Variants in TMEM232 observed in about 807,000 individuals in gnomAD.
TMEM232 encodes transmembrane protein 232.
TMEM232 carries 80 observed loss-of-function variants against 78.8 expected under a neutral mutation model. The ratio of observed to expected loss-of-function variants is 1.01; its 90% CI spans 0.85 to 1.22. The LOEUF is 1.22. TMEM232 is among the 50% of genes most tolerant of loss of function. The probability of loss-of-function intolerance (pLI) is 0.00; values close to 1 mark genes in which losing one functional copy is unlikely to be tolerated. For missense variants in TMEM232, 881 were observed against 742.2 expected, an observed-to-expected ratio of 1.19 and a Z score of -2.17; for synonymous variants, 297 against 254.3, an observed-to-expected ratio of 1.17 and a Z score of -1.60.
chr5:110,574,423 C>T (rs542752585), intron 10 of TMEM232, among the ~76,000 whole-genome samples: 1 of 152,134 alleles, frequency 6.6e-6, no homozygotes, highest in Admixed American at 6.5e-5. Flanking sequence ...TTGTCCTTGG[C>T]TCTGGGCAGT....
At chr5:110,700,896 C>A (rs1272145417) in intron 1 of TMEM232, among the ~76,000 whole-genome samples, 1 of 151,832 alleles carries the variant, frequency 6.6e-6, no homozygotes, top group Non-Finnish European at 1.5e-5. Flanking sequence ...CCCCACCTTT[C>A]CTAAAGAGCC....
At position 110,735,977 on chromosome 5, in the gene TMEM232, G is replaced by A. The variant is rs529209249; in HGVS notation, c.-125-962C>T. ...GAAACCTAAGGCAGAACTATCCAGCGAAGCCACTCTGAAATTTTTAAATTA... is the reference window on the plus strand; with the variant it reads ...GAAACCTAAGGCAGAACTATCCAGCAAAGCCACTCTGAAATTTTTAAATTA... On this transcript the variant is annotated intron_variant, in intron 1 of 4. Transcript: ENST00000512886. 1.3e-4 allele frequency among the ~76,000 whole-genome samples: 20 copies of A among 152,222 alleles called. No homozygotes were observed. The South Asian group carries it at 2.7e-3, about 21-fold the overall frequency.
At chr5:110,456,155 C>A (rs1760868732) in intron 12 of TMEM232, among the ~76,000 whole-genome samples, 1 of 152,076 alleles carries the variant, frequency 6.6e-6, no homozygotes, top group African/African-American at 2.4e-5. Flanking sequence ...GAAGAATCTA[C>A]AGAAGAATAA....
At chr5:110,536,059 T>A (rs1040563867) in intron 11 of TMEM232, among the ~76,000 whole-genome samples, 3 of 152,230 alleles carry the variant, frequency 2.0e-5, no homozygotes, top group African/African-American at 7.2e-5. Context: ...TTGGGATTTA[T>A]TATTCTCCTT....
intron 1 of TMEM232, among the ~76,000 whole-genome samples, chr5:110,737,609 T>C (rs1462963706): frequency 6.6e-6 from 1 of 152,218 alleles, no homozygotes; most frequent in Non-Finnish European, 1.5e-5. Context: ...TTTCAATTAG[T>C]AAAGGACTTT....
At chr5:110,494,115 A>G (rs1765402960) in intron 12 of TMEM232, among the ~76,000 whole-genome samples, 1 of 152,058 alleles carries the variant, frequency 6.6e-6, no homozygotes, top group Admixed American at 6.6e-5. Flanking sequence ...TTATGGCTGC[A>G]TAGTATTCCA....
chr5:110,517,848 G>A (rs553447125), intron 12 of TMEM232, among the ~76,000 whole-genome samples: 50 of 152,284 alleles, frequency 3.3e-4, no homozygotes, highest in African/African-American at 1.1e-3. Flanking sequence ...TGCAGGCTCT[G>A]AAAGAGAAGT....
At chr5:110,705,530 A>C (rs537350035) in intron 1 of TMEM232, among the ~76,000 whole-genome samples, 3 of 152,010 alleles carry the variant, frequency 2.0e-5, no homozygotes, top group African/African-American at 7.2e-5. Flanking sequence ...ATGTGTCCAA[A>C]CTCAACAAGG....
intron 11 of TMEM232, among the ~76,000 whole-genome samples, chr5:110,541,154 A>G (rs529879848): frequency 1.2e-4 from 18 of 152,258 alleles, no homozygotes; most frequent in African/African-American, 3.8e-4. Context: ...CTCTTTCCAT[A>G]TAGGGAGAGA....
At chr5:110,653,735 C>T (rs1268818817) in intron 2 of TMEM232, among the ~76,000 whole-genome samples, 1 of 152,100 alleles carries the variant, frequency 6.6e-6, no homozygotes, top group Non-Finnish European at 1.5e-5. Context: ...AAGATGACAT[C>T]AAGATAATTG....
At chr5:110,399,125 C>T (rs1476282314) in intron 2 of TMEM232, among the ~76,000 whole-genome samples, 3 of 151,642 alleles carry the variant, frequency 2.0e-5, no homozygotes, top group East Asian at 3.9e-4. Flanking sequence ...GACACACCAT[C>T]TAAACTAGAA....
intron 10 of TMEM232, among the ~76,000 whole-genome samples, chr5:110,600,318 G>C (rs1325612593): frequency 6.6e-6 from 1 of 152,076 alleles, no homozygotes; most frequent in Non-Finnish European, 1.5e-5. Context: ...GATCAGAGCA[G>C]AACTGAAGGA....
At chr5:110,707,569 G>C (rs192511042) in intron 1 of TMEM232, among the ~76,000 whole-genome samples, 1 of 152,324 alleles carries the variant, frequency 6.6e-6, no homozygotes, top group Admixed American at 6.5e-5. Flanking sequence ...AGACAAACTT[G>C]AAAGGTAGTC....
downstream of TMEM232, among the ~76,000 whole-genome samples, chr5:110,414,866 A>G (rs191247532): frequency 1.6e-3 from 245 of 152,266 alleles, 1 homozygote; most frequent in African/African-American, 4.7e-3. Flanking sequence ...GAGTGGATAA[A>G]CTGGTATGCT....
intron 10 of TMEM232, among the ~76,000 whole-genome samples, chr5:110,596,954 C>A (rs1780243991): frequency 6.6e-6 from 1 of 152,270 alleles, no homozygotes; most frequent in East Asian, 1.9e-4. Context: ...AAAACTGGCA[C>A]AAGATAGGGA....
At chr5:110,624,493 T>C (rs1038719228) in intron 7 of TMEM232, among the ~76,000 whole-genome samples, 17 of 152,116 alleles carry the variant, frequency 1.1e-4, no homozygotes, top group Non-Finnish European at 2.1e-4. Context: ...CTCTTCATGA[T>C]CAGTGCTCTT....
rs1785463008 is a variant in TMEM232, at chr5:110,633,827, C to A, written c.501+4371G>T. Among the ~76,000 whole-genome samples the A allele has an allele frequency of 2.0e-5, 3 of 152,064 alleles. No homozygotes were observed. The South Asian group carries it at 6.2e-4, about 32-fold the overall frequency. ...AACCAGAAAACAATTAACAATATGA[C>A]AGGAACAAAACTTCACATATCAATA... is the stretch of plus-strand genomic sequence containing the variant. On this transcript the variant is annotated intron_variant, in intron 5 of 13. Transcript: ENST00000455884.
chr5:110,686,423 G>A (rs555075112), intron 1 of TMEM232, among the ~76,000 whole-genome samples: 17 of 151,956 alleles, frequency 1.1e-4, no homozygotes, highest in Non-Finnish European at 2.1e-4. Flanking sequence ...GCATGTGAGA[G>A]AGCCATTTTG....
At chr5:110,401,887 G>GT (rs1222210787) in intron 2 of TMEM232, among the ~76,000 whole-genome samples, 1 of 152,078 alleles carries the variant, frequency 6.6e-6, no homozygotes, top group Non-Finnish European at 1.5e-5. Context: ...GAGCTGAGGA[G>GT]TGTTGCCTCA....
Sources: allele counts gnomAD v4.1 joint callset (sites outside exome capture counted in the v4.1 genomes callset), GRCh38; gene constraint gnomAD v4.1.1; transcripts MANE v1.5; gene names NCBI Gene and HGNC (gene_info 2026-07-23, HGNC 2026-07-21).